The following UBE4B variants were observed in gnomAD, a reference collection of about 807,000 sequenced individuals.
UBE4B encodes ubiquitin conjugation factor E4 B.
In UBE4B, 27 loss-of-function variants were observed where a neutral mutation model predicts 148.1. The observed-to-expected ratio is 0.18, with a 90% CI of 0.13 to 0.25. The LOEUF (loss-of-function observed/expected upper bound fraction) is 0.25. UBE4B is among the 10% of genes least tolerant of loss of function. The pLI, the probability that UBE4B is intolerant of heterozygous loss-of-function variation, is 1.00. For synonymous variants in UBE4B, 596 were observed against 619.3 expected (o/e 0.96, Z 0.56); for missense variants, 1,170 against 1,662.4 (o/e 0.70, Z 5.15).
At chr1:10,100,576 C>T (rs558248780) in intron 3 of UBE4B, among the ~76,000 whole-genome samples, 342 of 152,012 alleles carry the variant, frequency 2.2e-3, no homozygotes, top group African/African-American at 7.7e-3. Flanking sequence ...TTATTTGAGA[C>T]GGAGTTTCGC....
At chr1:10,177,110 G>C (rs925893176) in intron 25 of UBE4B, among the ~76,000 whole-genome samples, 2 of 152,052 alleles carry the variant, frequency 1.3e-5, no homozygotes, top group African/African-American at 4.8e-5. Flanking sequence ...ATGTATTCTG[G>C]ATGCTAGGTC....
intron 7 of UBE4B, among the ~76,000 whole-genome samples, chr1:10,113,679 C>G (rs976972706): frequency 2.0e-5 from 3 of 152,116 alleles, no homozygotes; most frequent in Non-Finnish European, 4.4e-5. Context: ...GCCATCTAAG[C>G]CTGCTGAGTT....
intron 9 of UBE4B, among the ~76,000 whole-genome samples, chr1:10,121,033 C>T (rs1303758108): frequency 2.0e-5 from 3 of 152,094 alleles, no homozygotes; most frequent in Non-Finnish European, 4.4e-5. Context: ...TCAGCCACTA[C>T]TAATATTTTT....
At chr1:10,171,883 A>G (rs1284362449) in intron 25 of UBE4B, among the ~76,000 whole-genome samples, 1 of 152,178 alleles carries the variant, frequency 6.6e-6, no homozygotes, top group African/African-American at 2.4e-5. Context: ...TCTGTCTCAA[A>G]ATAAATAAAT....
chr1:10,079,254 G>A (rs1644637373), intron 2 of UBE4B, among the ~76,000 whole-genome samples: 1 of 152,114 alleles, frequency 6.6e-6, no homozygotes, highest in Non-Finnish European at 1.5e-5. Flanking sequence ...TGCCTCCCGG[G>A]CTCAAGTGAT....
At chr1:10,054,610 C>T (rs1644123622) in intron 1 of UBE4B, 2 of 258,064 alleles carry the variant, frequency 7.8e-6, no homozygotes, top group Admixed American at 4.5e-5. Context: ...TTAATGTGCT[C>T]AATATGCATA....
chr1:10,084,062 T>C (rs1170282556), intron 2 of UBE4B, among the ~76,000 whole-genome samples: 2 of 151,970 alleles, frequency 1.3e-5, no homozygotes, highest in African/African-American at 4.8e-5. Context: ...TCCTGCAACC[T>C]CTGCTGTGCT....
chr1:10,081,740 C>T (rs1218749614), intron 2 of UBE4B, among the ~76,000 whole-genome samples: 1 of 152,180 alleles, frequency 6.6e-6, no homozygotes, highest in Admixed American at 6.5e-5. Flanking sequence ...AGGCACTGGC[C>T]ACCACGCCCA....
At chr1:10,133,362 C>G (rs1458943605) in intron 15 of UBE4B, among the ~76,000 whole-genome samples, 1 of 152,196 alleles carries the variant, frequency 6.6e-6, no homozygotes, top group African/African-American at 2.4e-5. Flanking sequence ...TCCTCATCTG[C>G]TAAGCTGCGG....
intron 5 of UBE4B, among the ~76,000 whole-genome samples, chr1:10,104,085 A>G (rs574341993): frequency 6.6e-6 from 1 of 152,286 alleles, no homozygotes; most frequent in East Asian, 1.9e-4. Context: ...AAGTATAGAT[A>G]TAGTGGGTGG....
intron 1 of UBE4B, chr1:10,059,469 C>A: frequency 4.7e-6 from 1 of 214,096 alleles, no homozygotes; most frequent in Admixed American, 4.3e-5. Flanking sequence ...GCTTTTCTGG[C>A]ACAGTCGAGC....
intron 1 of UBE4B, among the ~76,000 whole-genome samples, chr1:10,042,634 G>A (rs544799746): frequency 9.8e-5 from 15 of 152,308 alleles, no homozygotes; most frequent in African/African-American, 3.4e-4. Flanking sequence ...GCGACAGAGT[G>A]AGACTGTGTC....
intron 2 of UBE4B, among the ~76,000 whole-genome samples, chr1:10,082,311 C>T (rs965411122): frequency 6.6e-6 from 1 of 151,830 alleles, no homozygotes; most frequent in African/African-American, 2.4e-5. Flanking sequence ...CTAGCCTGGA[C>T]AACATAGCGA....
intron 11 of UBE4B, chr1:10,129,112 C>G (rs1182537676): frequency 5.5e-6 from 2 of 363,646 alleles, no homozygotes; most frequent in Admixed American, 7.6e-5. Context: ...TATCTGAAAA[C>G]TGTTGCTCAA....
intron 1 of UBE4B, among the ~76,000 whole-genome samples, chr1:10,043,254 C>T (rs977931847): frequency 2.6e-5 from 4 of 151,686 alleles, no homozygotes; most frequent in Non-Finnish European, 5.9e-5. Flanking sequence ...GGTGATCTGC[C>T]GGCCTCAGCC....
intron 2 of UBE4B, chr1:10,072,706 T>C: frequency 2.0e-6 from 1 of 490,480 alleles, no homozygotes; most frequent in East Asian, 3.2e-5. Context: ...AGTAAAAGTT[T>C]ATTTCTTTAT....
At position 10,145,260 on chromosome 1, in the gene UBE4B, T is replaced by C. The variant is rs1645850491; in HGVS notation, c.2463+221T>C. 3 of 354,222 alleles carry C rather than the reference T, an allele frequency of 8.5e-6. No individual in the cohort carries two copies. In the South Asian group the frequency reaches 2.1e-4, roughly 25 times the overall value. The allele number at this position is 354,222 out of a possible 1,614,324, so 21.9% of individuals were successfully genotyped here. On this transcript the variant is annotated intron_variant, in intron 18 of 27. Transcript: ENST00000343090. Reference sequence around the variant, plus strand: ...AGAATATGGATAGATATGCTTCTGCTGTGATTATGAATTCTTAATGGGTTT... The same window carrying C: ...AGAATATGGATAGATATGCTTCTGCCGTGATTATGAATTCTTAATGGGTTT...
chr1:10,063,471 T>C (rs1296989172), intron 1 of UBE4B, among the ~76,000 whole-genome samples: 1 of 152,196 alleles, frequency 6.6e-6, no homozygotes, highest in Non-Finnish European at 1.5e-5. Context: ...CACTTTTTAC[T>C]TCCAAATAAC....
At chr1:10,144,272 G>C (rs1024576732) in intron 17 of UBE4B, among the ~76,000 whole-genome samples, 6 of 152,006 alleles carry the variant, frequency 3.9e-5, no homozygotes, top group Admixed American at 3.3e-4. Context: ...TTTTGTTTTG[G>C]GTAATTGAAT....
Sources: gnomAD v4.1 joint callset for allele counts (sites outside exome capture counted in the v4.1 genomes callset) on GRCh38, gnomAD v4.1.1 for gene constraint, MANE v1.5 for transcripts, NCBI Gene and HGNC (gene_info 2026-07-23, HGNC 2026-07-21) for gene names.